FARS2: variants seen among roughly 807,000 people sequenced by gnomAD.
The protein encoded by FARS2 is phenylalanine--tRNA ligase, mitochondrial.
Under a neutral mutation model 46.4 loss-of-function variants are expected in FARS2, and 40 were observed. The ratio of observed to expected loss-of-function variants is 0.86; its 90% CI spans 0.67 to 1.12. The LOEUF is 1.12. FARS2 is among the 50% of genes most tolerant of loss of function. The probability of loss-of-function intolerance (pLI) is 0.00; values close to 1 mark genes in which losing one functional copy is unlikely to be tolerated. For synonymous variants in FARS2, 234 were observed against 214.9 expected (o/e 1.09, Z -0.78); for missense variants, 513 against 567.9 (o/e 0.90, Z 0.98).
intron 6 of FARS2, among the ~76,000 whole-genome samples, chr6:5,751,064 TGTTTTTTCTGA>T (rs1761917662): frequency 6.6e-6 from 1 of 152,172 alleles, no homozygotes. Context: ...TACTGTTCAA[TGTTTTTTCTGA>T]GTTGTACGAT....
rs372221066 is a variant in FARS2, at chr6:5,465,330, T to C, written c.904+34158T>C. On this transcript the variant is annotated intron_variant, in intron 4 of 6. Transcript: ENST00000274680. Reference sequence around the variant, plus strand: ...TAAAAACAGAATTCTGAGAGCACGGTTAGCAAGGTGGTTGGTTGGTGATGT... The same window carrying C: ...TAAAAACAGAATTCTGAGAGCACGGCTAGCAAGGTGGTTGGTTGGTGATGT... 7.2e-5 allele frequency among the ~76,000 whole-genome samples: 11 copies of C among 152,374 alleles called. 1 individual carries two copies. The East Asian group carries it at 9.6e-4, about 13-fold the overall frequency.
At chr6:5,253,634 C>T in the FARS2 span, among the ~76,000 whole-genome samples, 10 of 152,088 alleles carry the variant, frequency 6.6e-5, no homozygotes, top group African/African-American at 2.2e-4. Context: ...GCAAAGGAGA[C>T]GAGAGCCTTG....
At chr6:5,722,066 T>C (rs929411241) in intron 6 of FARS2, among the ~76,000 whole-genome samples, 5 of 152,202 alleles carry the variant, frequency 3.3e-5, no homozygotes, top group African/African-American at 1.2e-4. Flanking sequence ...TTTTCCAGCT[T>C]TAATGGATGA....
chr6:5,533,202 T>C (rs774084650), intron 4 of FARS2, among the ~76,000 whole-genome samples: 2 of 152,122 alleles, frequency 1.3e-5, no homozygotes, highest in African/African-American at 2.4e-5. Context: ...AAGGTAGGGG[T>C]CAATGAATAG....
chr6:5,628,825 A>G (rs1444263656), intron 6 of FARS2, among the ~76,000 whole-genome samples: 1 of 152,188 alleles, frequency 6.6e-6, no homozygotes. Context: ...AGCCGGTGGT[A>G]ACTCTCCTGT....
chr6:5,370,630 G>A (rs936407542), intron 2 of FARS2, among the ~76,000 whole-genome samples: 1 of 152,144 alleles, frequency 6.6e-6, no homozygotes, highest in Admixed American at 6.5e-5. Context: ...AGGACTGTGT[G>A]CTCTGATTTG....
At chr6:5,264,974 T>TG (rs1017214739) in intron 1 of FARS2, among the ~76,000 whole-genome samples, 25 of 151,044 alleles carry the variant, frequency 1.7e-4, no homozygotes, top group African/African-American at 5.8e-4. Context: ...TTAAGTGTTT[T>TG]TTTTTTTTTT....
intron 6 of FARS2, among the ~76,000 whole-genome samples, chr6:5,761,983 T>A (rs1420721047): frequency 6.6e-6 from 1 of 152,202 alleles, no homozygotes; most frequent in Non-Finnish European, 1.5e-5. Flanking sequence ...TTTGTTTTGT[T>A]TTTCAATATA....
At chr6:5,691,015 C>G (rs1454166129) in intron 6 of FARS2, among the ~76,000 whole-genome samples, 2 of 152,234 alleles carry the variant, frequency 1.3e-5, no homozygotes, top group Non-Finnish European at 2.9e-5. Flanking sequence ...GTGCATTCAT[C>G]ACATAGTTCT....
intron 1 of FARS2, among the ~76,000 whole-genome samples, chr6:5,305,408 A>C (rs1234908271): frequency 1.3e-5 from 2 of 152,210 alleles, no homozygotes; most frequent in Non-Finnish European, 2.9e-5. Context: ...ATTTTATCAA[A>C]GCCTTGTGTT....
chr6:5,450,792 C>G (rs1474880887), intron 4 of FARS2, among the ~76,000 whole-genome samples: 3 of 151,968 alleles, frequency 2.0e-5, no homozygotes, highest in African/African-American at 7.3e-5. Context: ...TCTTAGGGGT[C>G]TCCTTGCCTC....
rs988969223 is a variant in FARS2 at position 5,765,658 on chromosome 6, G to C, written c.1218-5633G>C. Among the ~76,000 whole-genome samples, 2 of 152,192 alleles carry C rather than the reference G, an allele frequency of 1.3e-5. No homozygotes were observed. The highest frequency in any genetic ancestry group is 2.4e-5 in the African/African-American group (1 of 41,442). ...CTCGGGAGAACATGAGGTTCCACGTGGGGTGCGGTGTGGCTGACTTCATCG... is the reference window on the plus strand; with the variant it reads ...CTCGGGAGAACATGAGGTTCCACGTCGGGTGCGGTGTGGCTGACTTCATCG... On this transcript the variant is annotated intron_variant, in intron 6 of 6. Transcript: ENST00000274680. This position sits in a 1 kb window ranked among gnomAD's most constrained non-coding sequence, Gnocchi z 4.0.
At chr6:5,325,031 C>G (rs928071115) in intron 1 of FARS2, among the ~76,000 whole-genome samples, 1 of 152,118 alleles carries the variant, frequency 6.6e-6, no homozygotes, top group Non-Finnish European at 1.5e-5. Flanking sequence ...AGAAATTTCA[C>G]CATTTATCAA....
intron 6 of FARS2, among the ~76,000 whole-genome samples, chr6:5,618,891 G>A (rs1775617513): frequency 6.6e-6 from 1 of 152,226 alleles, no homozygotes; most frequent in Non-Finnish European, 1.5e-5. Flanking sequence ...GACTAAATGG[G>A]AGACTTGAGA....
At chr6:5,614,809 C>G (rs1200821452) in intron 6 of FARS2, among the ~76,000 whole-genome samples, 2 of 152,194 alleles carry the variant, frequency 1.3e-5, no homozygotes, top group African/African-American at 4.8e-5. Context: ...AGTTCATCAT[C>G]TAGAATTTTG....
At chr6:5,478,688 A>G in intron 4 of FARS2, among the ~76,000 whole-genome samples, 1 of 152,166 alleles carries the variant, frequency 6.6e-6, no homozygotes, top group East Asian at 1.9e-4. Context: ...CAGCACCACC[A>G]TTAAAATGGT....
Position 5,569,411 on chromosome 6 carries a change from A to T in FARS2, c.1065+24071A>T, listed in dbSNP as rs148714547. Among the ~76,000 whole-genome samples the T allele has an allele frequency of 5.3e-4, 81 of 152,024 alleles. No homozygotes were observed. The East Asian group carries it at 0.015, about 28-fold the overall frequency. ...GCCCCCATGCCCGGCTAATTTTTGT[A>T]TAGTTTTTGTGGAGATGGGGTTTCG... On this transcript the variant is annotated intron_variant, in intron 5 of 6. Transcript: ENST00000274680.
At chr6:5,621,366 C>T (rs1775769342) in intron 6 of FARS2, among the ~76,000 whole-genome samples, 2 of 152,160 alleles carry the variant, frequency 1.3e-5, no homozygotes, top group Admixed American at 6.5e-5. Context: ...GTTGGGATTA[C>T]AGGTGTGAAC....
At chr6:5,446,216 AAG>A (rs1422482329) in intron 4 of FARS2, among the ~76,000 whole-genome samples, 1 of 151,928 alleles carries the variant, frequency 6.6e-6, no homozygotes, top group Non-Finnish European at 1.5e-5. Context: ...AAAAAAAAAA[AAG>A]AAAATTTTTT....
Sources: gnomAD v4.1 joint callset for allele counts (sites outside exome capture counted in the v4.1 genomes callset) on GRCh38, gnomAD v4.1.1 for gene constraint, Gnocchi (gnomAD v3.1) non-coding constraint, MANE v1.5 for transcripts, NCBI Gene and HGNC (gene_info 2026-07-23, HGNC 2026-07-21) for gene names.